Variants in OSMR observed in about 807,000 individuals in gnomAD.
The protein encoded by OSMR is oncostatin-M-specific receptor subunit beta.
Under a neutral mutation model 99.9 loss-of-function variants are expected in OSMR, and 81 were observed. That is an observed-to-expected ratio of 0.81 (90% confidence interval 0.68 to 0.97). The LOEUF is 0.97. Among genes scored for constraint, OSMR ranks in the 50% least tolerant of loss-of-function variants. The pLI, the probability that OSMR is intolerant of heterozygous loss-of-function variation, is 0.00. For synonymous variants in OSMR, 406 were observed against 410.4 expected (o/e 0.99, Z 0.13); for missense variants, 1,099 against 1,153.4 (o/e 0.95, Z 0.68).
At chr5:38,918,784 T>A in intron 10 of OSMR, 56 bp from the exon 11 acceptor site, 2 of 1,599,742 alleles carry the variant, frequency 1.3e-6, no homozygotes, top group Non-Finnish European at 1.7e-6. Context: ...AAAGGAGTTG[T>A]ACAAATTCCT....
intron 2 of OSMR, 195 bp from the exon 3 acceptor site, chr5:38,876,006 C>G (rs971971311): frequency 1.2e-5 from 3 of 243,870 alleles, no homozygotes; most frequent in Non-Finnish European, 2.0e-5. Context: ...TTTCATTCAT[C>G]TAGATCTTAA....
Position 38,934,009 on chromosome 5 carries a change from ACT to A in OSMR, c.*568_*569del, listed in dbSNP as rs948958124. On this transcript the variant is annotated 3_prime_UTR_variant, in exon 18 of 18. Transcript: ENST00000274276. ...ATAGTTCACTGACACAGTAAAATTA[ACT>A]CTGTGGGTGGGGGCGGGGGGCATAG... The A allele has an allele frequency of 1.7e-5, 2 of 115,968 alleles. No individual in the cohort carries two copies. The highest frequency in any genetic ancestry group is 6.8e-5 in the African/African-American group (2 of 29,420). 7.2% of individuals were successfully genotyped at this position (115,968 alleles called of 1,614,324 possible).
At chr5:38,860,834 G>T (rs2112127832) in intron 1 of OSMR, among the ~76,000 whole-genome samples, 1 of 152,144 alleles carries the variant, frequency 6.6e-6, no homozygotes, top group South Asian at 2.1e-4. Flanking sequence ...TAACATGCTT[G>T]GCTAACTTTT....
intron 2 of OSMR, chr5:38,944,809 G>A: frequency 8.4e-7 from 1 of 1,185,172 alleles, no homozygotes; most frequent in African/African-American, 1.5e-5. Context: ...ACGTATTACT[G>A]TTTTGAGACA....
downstream of OSMR, among the ~76,000 whole-genome samples, chr5:38,936,264 T>C (rs184514060): frequency 1.6e-4 from 25 of 152,232 alleles, no homozygotes; most frequent in Admixed American, 4.6e-4. Flanking sequence ...CAAATCATGA[T>C]ATCATGATTT....
intron 4 of OSMR, among the ~76,000 whole-genome samples, chr5:38,882,586 C>G (rs371350719): frequency 1.6e-4 from 25 of 151,682 alleles, no homozygotes; most frequent in African/African-American, 4.4e-4. Context: ...CACACACACA[C>G]CAAAAAAACA....
downstream of OSMR, among the ~76,000 whole-genome samples, chr5:38,937,039 AACT>A (rs1427028351): frequency 6.6e-6 from 1 of 152,180 alleles, no homozygotes; most frequent in East Asian, 1.9e-4. The surrounding 1 kb of genome is among the most constrained non-coding windows in gnomAD (Gnocchi z 4.0). Context: ...TTTCGGGGCC[AACT>A]ACCTTTTTTT....
At chr5:38,896,044 G>A (rs1744492926) in intron 7 of OSMR, among the ~76,000 whole-genome samples, 1 of 151,898 alleles carries the variant, frequency 6.6e-6, no homozygotes, top group Admixed American at 6.6e-5. Context: ...TGCTGTTTTG[G>A]TTACTATAGC....
intron 12 of OSMR, chr5:38,922,911 G>C (rs1023501758): frequency 1.3e-5 from 2 of 153,078 alleles, no homozygotes; most frequent in African/African-American, 4.8e-5. Flanking sequence ...CGGTAGCTGG[G>C]GTTACAGGTG....
In OSMR at chr5:38,885,341, A is replaced by C; in HGVS notation, c.704-8A>C. The stretch of plus-strand genomic sequence containing the variant: ...TTTAACTAGGTCTGTTTTCCTTTGT[A>C]TGGACAGAAGTACTTGAGGAGCCCA... On this transcript the variant is annotated splice_polypyrimidine_tract_variant and splice_region_variant and intron_variant, in intron 5 of 17. Transcript: ENST00000274276. 3 of 1,613,644 alleles carry C rather than the reference A, an allele frequency of 1.9e-6. No individual in the cohort carries two copies. Among genetic ancestry groups the C allele is most frequent in the Non-Finnish European group, 2.5e-6 (3 of 1,179,784 alleles).
chr5:38,894,033 A>C (rs146757450), intron 7 of OSMR, among the ~76,000 whole-genome samples: 1 of 152,356 alleles, frequency 6.6e-6, no homozygotes, highest in African/African-American at 2.4e-5. Flanking sequence ...CAGCATTCTC[A>C]AAGGAAAGAC....
chr5:38,862,431 C>T (rs1741503485), intron 1 of OSMR, among the ~76,000 whole-genome samples: 1 of 148,300 alleles, frequency 6.7e-6, no homozygotes, highest in Admixed American at 6.7e-5. Flanking sequence ...GACCCCCCCA[C>T]CTCCCTCCCG....
chr5:38,937,728 A>C (rs1324467053), downstream of OSMR, among the ~76,000 whole-genome samples: 3 of 152,220 alleles, frequency 2.0e-5, no homozygotes, highest in Non-Finnish European at 4.4e-5. The surrounding 1 kb of genome is among the most constrained non-coding windows in gnomAD (Gnocchi z 4.0). Context: ...AAAAACTACA[A>C]AGATGTTTAA....
intron 1 of OSMR, among the ~76,000 whole-genome samples, chr5:38,868,184 C>G (rs546648698): frequency 1.3e-5 from 2 of 152,292 alleles, no homozygotes; most frequent in East Asian, 3.9e-4. Flanking sequence ...GATCAGTTAT[C>G]CATTGCCACC....
At chr5:38,937,720 A>ACCCT (rs1747126240), downstream of OSMR, among the ~76,000 whole-genome samples, 4 of 152,196 alleles carry the variant, frequency 2.6e-5, no homozygotes, top group Non-Finnish European at 2.9e-5. The surrounding 1 kb of genome is among the most constrained non-coding windows in gnomAD (Gnocchi z 4.0). Context: ...GATATTTAAA[A>ACCCT]AACTACAAAG....
Position 38,932,508 on chromosome 5 carries a change from C to G in OSMR, c.2340C>G (p.Ser780Arg). Reference protein sequence around the residue: ...CYPDIPDPYKSSILSLIKFKE... With the variant: ...CYPDIPDPYKRSILSLIKFKE... ...CTGACATCCCTGACCCTTACAAGAG[C>G]AGCATCCTGTCATTAATAAAATTCA... The change falls in exon 17 of 18, where the codon AGC becomes AGG. Residue 780 changes from serine (S) to arginine (R), a missense_variant. Transcript: ENST00000274276. The G allele has an allele frequency of 6.2e-7, 1 of 1,613,750 alleles. No individual in the cohort carries two copies. Among genetic ancestry groups the G allele is most frequent in the South Asian group, 1.1e-5 (1 of 91,080 alleles).
chr5:38,884,697 A>G (rs1743568383), intron 5 of OSMR, among the ~76,000 whole-genome samples: 1 of 152,256 alleles, frequency 6.6e-6, no homozygotes, highest in Admixed American at 6.5e-5. Context: ...ACTGTGCAGT[A>G]AATTGGTTCC....
intron 7 of OSMR, among the ~76,000 whole-genome samples, chr5:38,903,291 G>T (rs960754669): frequency 3.9e-5 from 6 of 152,218 alleles, no homozygotes; most frequent in Admixed American, 1.3e-4. Context: ...GCGGAGAGCT[G>T]CCCAGGGCAA....
At chr5:38,856,193 T>C (rs573913099) in intron 1 of OSMR, among the ~76,000 whole-genome samples, 2 of 152,294 alleles carry the variant, frequency 1.3e-5, no homozygotes, top group South Asian at 2.1e-4. Context: ...GCAGCTAACT[T>C]GGAATCATTG....
Sources: gnomAD v4.1 joint callset for allele counts (sites outside exome capture counted in the v4.1 genomes callset) on GRCh38, gnomAD v4.1.1 for gene constraint, Gnocchi (gnomAD v3.1) non-coding constraint, MANE v1.5 for transcripts, NCBI Gene and HGNC (gene_info 2026-07-23, HGNC 2026-07-21) for gene names.